Variants in XKR9 observed in about 807,000 individuals in gnomAD.
XKR9 encodes the protein XK-related protein 9.
XKR9 carries 32 observed loss-of-function variants against 32.0 expected under a neutral mutation model. The ratio of observed to expected loss-of-function variants is 1.00; its 90% CI spans 0.76 to 1.34. The LOEUF (loss-of-function observed/expected upper bound fraction) is 1.34, where lower values mean the gene tolerates loss of function less well. Among genes scored for constraint, XKR9 ranks in the 40% most tolerant of loss-of-function variants. XKR9 has a pLI of 0.00. For missense variants in XKR9, 546 were observed against 429.7 expected, an observed-to-expected ratio of 1.27 and a Z score of -2.39; for synonymous variants, 168 against 143.4, an observed-to-expected ratio of 1.17 and a Z score of -1.22.
chr8:71,041,892 A>T, the XKR9 span, among the ~76,000 whole-genome samples: 9 of 152,310 alleles, frequency 5.9e-5, no homozygotes, highest in East Asian at 1.5e-3. Context: ...TCTTTTATAA[A>T]TTACCCAGTC....
At chr8:70,935,208 T>TACACACACAC in the XKR9 span, among the ~76,000 whole-genome samples, 200 of 145,482 alleles carry the variant, frequency 1.4e-3, no homozygotes, top group African/African-American at 2.5e-3. Flanking sequence ...TATACATATA[T>TACACACACAC]ACACACACAC....
At chr8:70,762,601 T>A (rs762508480) in intron 2 of XKR9, among the ~76,000 whole-genome samples, 3 of 152,212 alleles carry the variant, frequency 2.0e-5, no homozygotes, top group Non-Finnish European at 4.4e-5. Context: ...GGAATTTATT[T>A]AAAGTGTCAT....
the XKR9 span, among the ~76,000 whole-genome samples, chr8:70,816,159 G>A: frequency 1.9e-4 from 29 of 152,200 alleles, no homozygotes; most frequent in South Asian, 5.8e-3. Flanking sequence ...ACAGATAAAT[G>A]GAGAAGAATA....
the XKR9 span, among the ~76,000 whole-genome samples, chr8:70,866,040 AT>A: frequency 5.9e-5 from 9 of 152,300 alleles, no homozygotes; most frequent in African/African-American, 2.2e-4. Context: ...AGATCCAACA[AT>A]TTTACTTTAG....
chr8:70,956,848 G>T, the XKR9 span, among the ~76,000 whole-genome samples: 1 of 152,208 alleles, frequency 6.6e-6, no homozygotes, highest in Non-Finnish European at 1.5e-5. Flanking sequence ...TTTCAAGCCT[G>T]CAGGGTCAGG....
At chr8:70,855,832 T>G in the XKR9 span, among the ~76,000 whole-genome samples, 6 of 152,268 alleles carry the variant, frequency 3.9e-5, no homozygotes, top group East Asian at 3.9e-4. Flanking sequence ...TCAACAATCT[T>G]AAAGAAAAGA....
the XKR9 span, among the ~76,000 whole-genome samples, chr8:70,816,893 G>A: frequency 6.6e-6 from 1 of 152,044 alleles, no homozygotes; most frequent in Non-Finnish European, 1.5e-5. Context: ...CTCAATACAT[G>A]CAGAAAAAGC....
chr8:70,767,668 T>A (rs982213403), intron 2 of XKR9, among the ~76,000 whole-genome samples: 3 of 152,020 alleles, frequency 2.0e-5, no homozygotes, highest in Middle Eastern at 3.4e-3. Flanking sequence ...GGCTAATTTT[T>A]GTTTTTGTAA....
chr8:70,940,047 C>T, the XKR9 span, among the ~76,000 whole-genome samples: 1 of 151,906 alleles, frequency 6.6e-6, no homozygotes, highest in Non-Finnish European at 1.5e-5. Flanking sequence ...ATAAAACAAA[C>T]ACCGAATATG....
chr8:70,926,148 C>G, the XKR9 span, among the ~76,000 whole-genome samples: 2 of 152,148 alleles, frequency 1.3e-5, no homozygotes, highest in Non-Finnish European at 2.9e-5. Context: ...GATCTCGGCT[C>G]ACTGCAACCT....
chr8:70,922,460 T>A, the XKR9 span, among the ~76,000 whole-genome samples: 1 of 152,352 alleles, frequency 6.6e-6, no homozygotes, highest in Non-Finnish European at 1.5e-5. Context: ...GTGCTAATTA[T>A]GATGGTGACA....
intron 2 of XKR9, among the ~76,000 whole-genome samples, chr8:70,787,974 G>C (rs941880989): frequency 1.3e-5 from 2 of 152,020 alleles, no homozygotes; most frequent in Admixed American, 1.3e-4. Context: ...GTGACTAACG[G>C]TAACTTAACT....
At chr8:70,973,731 C>T in the XKR9 span, among the ~76,000 whole-genome samples, 1 of 152,178 alleles carries the variant, frequency 6.6e-6, no homozygotes, top group African/African-American at 2.4e-5. Flanking sequence ...AACAGTCACT[C>T]AGGAGCAGGT....
the XKR9 span, among the ~76,000 whole-genome samples, chr8:70,830,967 A>G: frequency 1.3e-5 from 2 of 152,172 alleles, no homozygotes; most frequent in Admixed American, 6.6e-5. Context: ...GTTTTGGGGA[A>G]CTATATGTAT....
At chr8:70,720,942 G>A (rs1806258251) in intron 4 of XKR9, among the ~76,000 whole-genome samples, 1 of 152,056 alleles carries the variant, frequency 6.6e-6, no homozygotes, top group Non-Finnish European at 1.5e-5. Context: ...GGCTTTGTTC[G>A]GTTGGTAGGC....
At chr8:70,844,512 G>A in the XKR9 span, among the ~76,000 whole-genome samples, 1 of 152,208 alleles carries the variant, frequency 6.6e-6, no homozygotes, top group African/African-American at 2.4e-5. Flanking sequence ...TGTTGCTGCT[G>A]CAGTCACCCA....
intron 2 of XKR9, among the ~76,000 whole-genome samples, chr8:70,783,062 G>T (rs570613320): frequency 5.3e-5 from 8 of 152,182 alleles, no homozygotes; most frequent in Admixed American, 1.3e-4. Context: ...ACCACCAAGG[G>T]TTCCCTTTTT....
chr8:70,873,799 C>T, the XKR9 span, among the ~76,000 whole-genome samples: 6 of 152,296 alleles, frequency 3.9e-5, no homozygotes, highest in East Asian at 9.6e-4. Flanking sequence ...GGACTTACTC[C>T]AATTTTGAAA....
the XKR9 span, among the ~76,000 whole-genome samples, chr8:70,894,813 G>A: frequency 1.3e-5 from 2 of 152,054 alleles, no homozygotes; most frequent in African/African-American, 4.8e-5. Context: ...TTGCCTATGA[G>A]GAAGCTGTAA....
Sources: gnomAD v4.1 joint callset for allele counts (sites outside exome capture counted in the v4.1 genomes callset) on GRCh38, gnomAD v4.1.1 for gene constraint, MANE v1.5 for transcripts, NCBI Gene and HGNC (gene_info 2026-07-23, HGNC 2026-07-21) for gene names.